The following PTGFRN variants were observed in gnomAD, a reference collection of about 807,000 sequenced individuals.
The protein encoded by PTGFRN is prostaglandin F2 receptor inhibitor, also known as prostaglandin F2 receptor negative regulator.
In PTGFRN, 35 loss-of-function variants were observed where a neutral mutation model predicts 83.2. The observed-to-expected ratio is 0.42, with a 90% CI of 0.32 to 0.56. The LOEUF is 0.56. Ranked by LOEUF, PTGFRN falls within the 20% of genes least tolerant of loss-of-function variation. The pLI is 0.11. For synonymous variants in PTGFRN, 519 were observed against 498.6 expected (o/e 1.04, Z -0.55); for missense variants, 1,051 against 1,179.5 (o/e 0.89, Z 1.60).
chr1:116,910,287 G>A (rs1445613052), intron 1 of PTGFRN, 35 bp downstream of exon 1: 1 of 1,386,328 alleles, frequency 7.2e-7, no homozygotes, highest in South Asian at 1.6e-5. Context: ...GGCACACGGG[G>A]ACTGGCGAGG....
intron 1 of PTGFRN, among the ~76,000 whole-genome samples, chr1:116,920,772 T>C (rs1333486470): frequency 1.3e-5 from 2 of 152,138 alleles, no homozygotes; most frequent in African/African-American, 4.8e-5. Flanking sequence ...TACAGGGATG[T>C]GCCACTACAC....
rs536694064 is a variant in PTGFRN at position 116,923,685 on chromosome 1, C to T, written c.49+13433C>T. ...GTCCCAGTGTATGCGTCGAGTGCCT[C>T]GTGGCTGGGTTCATTCAAACCATGG... is the stretch of plus-strand genomic sequence containing the variant. On this transcript the variant is annotated intron_variant, in intron 1 of 8. Transcript: ENST00000393203. The surrounding 1 kb of genome is among the most constrained non-coding windows in gnomAD (Gnocchi z 4.0). Among the ~76,000 whole-genome samples the T allele has an allele frequency of 2.0e-5, 3 of 152,198 alleles. No homozygotes were observed. The highest frequency in any genetic ancestry group is 6.5e-5 in the Admixed American group (1 of 15,300).
chr1:116,913,237 G>A (rs550477120), intron 1 of PTGFRN, among the ~76,000 whole-genome samples: 5 of 152,306 alleles, frequency 3.3e-5, no homozygotes, highest in Non-Finnish European at 7.3e-5. Flanking sequence ...GGTTGGGGCT[G>A]GTTTTGCTGA....
intron 7 of PTGFRN, among the ~76,000 whole-genome samples, chr1:116,981,015 G>A (rs1240819103): frequency 2.0e-5 from 3 of 152,172 alleles, no homozygotes; most frequent in Admixed American, 6.5e-5. Context: ...ATTGTAGTTA[G>A]AATTCTTAGG....
chr1:116,975,627 C>T (rs964931808), intron 7 of PTGFRN, among the ~76,000 whole-genome samples: 8 of 152,202 alleles, frequency 5.3e-5, no homozygotes, highest in Non-Finnish European at 1.2e-4. Flanking sequence ...TGGAGTGGAC[C>T]TCCAGCAAAC....
chr1:116,929,699 A>G lies in PTGFRN; in HGVS notation c.50-12016A>G, dbSNP rs186154901. Among the ~76,000 whole-genome samples the G allele has an allele frequency of 2.6e-5, 4 of 152,286 alleles. No individual in the cohort carries two copies. In the East Asian group the frequency reaches 7.7e-4, roughly 29 times the overall value. ...CTTCATATTGTCATATTTTAACTGA[A>G]TAGCATTTGTCAGTGGGTCTACTTC... On this transcript the variant is annotated intron_variant, in intron 1 of 8. Coordinates refer to ENST00000393203, the MANE Select transcript of PTGFRN (RefSeq NM_020440.4).
chr1:116,971,354 C>G (rs1373826220), intron 6 of PTGFRN, among the ~76,000 whole-genome samples: 1 of 152,120 alleles, frequency 6.6e-6, no homozygotes, highest in Non-Finnish European at 1.5e-5. Flanking sequence ...CTGCCACTAA[C>G]AGCTTTTTTT....
chr1:116,945,485 G>A (rs1018903506), intron 3 of PTGFRN, among the ~76,000 whole-genome samples: 10 of 152,160 alleles, frequency 6.6e-5, no homozygotes, highest in African/African-American at 1.4e-4. Flanking sequence ...AAACTTTATC[G>A]GGTTTGATGT....
At chr1:116,937,829 C>T (rs1044720650) in intron 1 of PTGFRN, among the ~76,000 whole-genome samples, 2 of 152,160 alleles carry the variant, frequency 1.3e-5, no homozygotes, top group African/African-American at 4.8e-5. Flanking sequence ...GTGGCCTGCT[C>T]AGCACATAAC....
In PTGFRN at chr1:116,910,172, A is replaced by T; in HGVS notation, c.-32A>T. On this transcript the variant is annotated 5_prime_UTR_variant, in exon 1 of 9. Transcript: ENST00000393203. ...GGAGGAGAGGCGGCGGGGAAGGAGGAGGAGGGGGAGAGTCGCTCCCGCCGG... is the reference window on the plus strand; with the variant it reads ...GGAGGAGAGGCGGCGGGGAAGGAGGTGGAGGGGGAGAGTCGCTCCCGCCGG... The T allele has an allele frequency of 6.6e-7, 1 of 1,509,034 alleles. No homozygotes were observed. The highest frequency in any genetic ancestry group is 8.8e-7 in the Non-Finnish European group (1 of 1,134,922). 93.5% of individuals were successfully genotyped at this position (1,509,034 alleles called of 1,614,324 possible).
chr1:116,929,340 G>T (rs1570649042), intron 1 of PTGFRN, among the ~76,000 whole-genome samples: 1 of 152,170 alleles, frequency 6.6e-6, no homozygotes. Context: ...CCCCATGCTG[G>T]TGTCCTTGCT....
chr1:116,954,512 C>G (rs1650433727), intron 4 of PTGFRN, among the ~76,000 whole-genome samples: 1 of 152,184 alleles, frequency 6.6e-6, no homozygotes, highest in East Asian at 1.9e-4. Context: ...TGCATGCAGC[C>G]ATTCATGTAA....
rs1163685477 is a variant in PTGFRN, at chr1:116,967,260, C to G, written c.1989C>G (p.Val663=). The part of the protein sequence containing the change: ...YRCMVTAWSP[V]RGSLWREAAT... The stretch of plus-strand genomic sequence containing the variant: ...GCATGGTGACAGCCTGGTCTCCTGT[C>G]AGGGGCAGCCTTTGGCGAGAAGCAG... Residue 663 remains valine, a synonymous_variant, in exon 6 of 9, where the codon GTC becomes GTG. Transcript: ENST00000393203. 1 of 1,614,110 alleles carries G rather than the reference C, an allele frequency of 6.2e-7. No individual in the cohort carries two copies. The highest frequency in any genetic ancestry group is 8.5e-7 in the Non-Finnish European group (1 of 1,180,038).
chr1:116,982,790 AG>A (rs1197603947), intron 7 of PTGFRN, among the ~76,000 whole-genome samples: 1 of 152,218 alleles, frequency 6.6e-6, no homozygotes, highest in Non-Finnish European at 1.5e-5. Context: ...CATTGTCCAC[AG>A]GCTGAGTGGC....
chr1:116,978,586 G>A (rs1570679094), intron 7 of PTGFRN, among the ~76,000 whole-genome samples: 1 of 152,248 alleles, frequency 6.6e-6, no homozygotes, highest in East Asian at 1.9e-4. Flanking sequence ...ATCAATAAAT[G>A]TAATCCAGCA....
At chr1:116,914,911 T>C (rs951030229) in intron 1 of PTGFRN, among the ~76,000 whole-genome samples, 2 of 152,190 alleles carry the variant, frequency 1.3e-5, no homozygotes, top group Non-Finnish European at 2.9e-5. Context: ...TAATAATAGC[T>C]ACTATTTCTC....
At chr1:116,973,213 C>T (rs1403154559) in intron 6 of PTGFRN, among the ~76,000 whole-genome samples, 8 of 152,130 alleles carry the variant, frequency 5.3e-5, no homozygotes, top group Non-Finnish European at 8.8e-5. Context: ...TTACTGCATC[C>T]AGCCCAGACT....
intron 6 of PTGFRN, among the ~76,000 whole-genome samples, chr1:116,969,988 T>C (rs1650945556): frequency 2.0e-5 from 3 of 152,216 alleles, no homozygotes; most frequent in Admixed American, 6.5e-5. Flanking sequence ...TAATTAATTC[T>C]AAATTTGGGG....
rs1399992590 is a variant in PTGFRN at position 116,942,094 on chromosome 1, C to G, written c.418+11C>G. 1 of 1,597,890 alleles carries G rather than the reference C, an allele frequency of 6.3e-7. No homozygotes were observed. Among genetic ancestry groups the G allele is most frequent in the African/African-American group, 1.3e-5 (1 of 74,548 alleles). On this transcript the variant is annotated intron_variant, in intron 2 of 8. Coordinates refer to ENST00000393203, the MANE Select transcript of PTGFRN (RefSeq NM_020440.4). ...CAGTGCAGGTTAAAGGTACAGTCCT[C>G]ACATGGGCTTGTTATGCCAGGGGCC...
Sources: gnomAD v4.1 joint callset for allele counts (sites outside exome capture counted in the v4.1 genomes callset) on GRCh38, gnomAD v4.1.1 for gene constraint, Gnocchi (gnomAD v3.1) non-coding constraint, MANE v1.5 for transcripts, NCBI Gene and HGNC (gene_info 2026-07-23, HGNC 2026-07-21) for gene names.